The following CPNE4 variants were observed in gnomAD, a reference collection of about 807,000 sequenced individuals.
CPNE4 encodes copine-4.
Under a neutral mutation model 67.9 loss-of-function variants are expected in CPNE4, and 25 were observed. The ratio of observed to expected loss-of-function variants is 0.37; its 90% CI spans 0.27 to 0.51. CPNE4 has a LOEUF of 0.51. Ranked by LOEUF, CPNE4 falls within the 20% of genes least tolerant of loss-of-function variation. The pLI, the probability that CPNE4 is intolerant of heterozygous loss-of-function variation, is 0.93. For missense variants in CPNE4, 464 were observed against 690.8 expected (o/e 0.67, Z 3.68); for synonymous variants, 242 against 244.9 (o/e 0.99, Z 0.11).
intron 7 of CPNE4, among the ~76,000 whole-genome samples, chr3:131,665,785 T>C (rs2080245237): frequency 6.6e-6 from 1 of 152,078 alleles, no homozygotes; most frequent in South Asian, 2.1e-4. Flanking sequence ...TCAATGACCT[T>C]CATTTATGCA....
chr3:131,822,870 C>T (rs2085009496), intron 2 of CPNE4, among the ~76,000 whole-genome samples: 1 of 152,154 alleles, frequency 6.6e-6, no homozygotes, highest in African/African-American at 2.4e-5. Context: ...TGGAATCTTG[C>T]TCTGTCACCC....
intron 10 of CPNE4, among the ~76,000 whole-genome samples, chr3:131,571,565 C>T (rs1461842550): frequency 6.6e-6 from 1 of 152,014 alleles, no homozygotes; most frequent in African/African-American, 2.4e-5. Context: ...TGCTTTCAGT[C>T]TTCTCATTGT....
At chr3:131,717,896 TTC>T (rs776967339) in intron 3 of CPNE4, among the ~76,000 whole-genome samples, 1 of 82,438 alleles carries the variant, frequency 1.2e-5, no homozygotes, top group Non-Finnish European at 3.3e-5. Context: ...CTTTCTTTCT[TTC>T]TTTCTTTCTT....
At chr3:131,582,682 T>G (rs947489420) in intron 8 of CPNE4, among the ~76,000 whole-genome samples, 1 of 152,138 alleles carries the variant, frequency 6.6e-6, no homozygotes, top group African/African-American at 2.4e-5. Flanking sequence ...AAATGTGATA[T>G]AAGCAGAGGC....
intron 2 of CPNE4, among the ~76,000 whole-genome samples, chr3:131,771,926 CA>C (rs1560279409): frequency 1.3e-5 from 2 of 152,132 alleles, no homozygotes; most frequent in African/African-American, 4.8e-5. Context: ...AGCACACACA[CA>C]TTTCCAGATA....
At chr3:131,584,095 A>G (rs1938019305) in intron 8 of CPNE4, among the ~76,000 whole-genome samples, 1 of 152,112 alleles carries the variant, frequency 6.6e-6, no homozygotes, top group African/African-American at 2.4e-5. Flanking sequence ...GTACCTATAG[A>G]ATCATAACTC....
intron 2 of CPNE4, among the ~76,000 whole-genome samples, chr3:131,821,160 A>G (rs972108469): frequency 1.3e-5 from 2 of 152,176 alleles, no homozygotes; most frequent in Non-Finnish European, 2.9e-5. Flanking sequence ...AGAATTCTCC[A>G]CTGATAATCC....
intron 2 of CPNE4, among the ~76,000 whole-genome samples, chr3:131,866,995 C>T (rs1243690410): frequency 6.6e-6 from 1 of 152,276 alleles, no homozygotes; most frequent in Admixed American, 6.5e-5. Context: ...AGGAATAAGA[C>T]ACCACCTGGC....
chr3:131,876,435 G>T lies in CPNE4; in HGVS notation c.180+28829C>A, dbSNP rs185587619. On this transcript the variant is annotated intron_variant, in intron 2 of 15. Coordinates refer to ENST00000429747, the MANE Select transcript of CPNE4 (RefSeq NM_130808.3). ...AGGCAGGCAGATCACGAGGTCAGGA[G>T]ATCGAGACCATCCTGGCTAACACGG... Among the ~76,000 whole-genome samples, 956 of 151,758 alleles carry T rather than the reference G, an allele frequency of 6.3e-3. 9 individuals carry two copies. The highest frequency in any genetic ancestry group is 0.022 in the African/African-American group (899 of 41,416).
intron 2 of CPNE4, among the ~76,000 whole-genome samples, chr3:131,858,213 A>G (rs2086526925): frequency 6.6e-6 from 1 of 152,120 alleles, no homozygotes; most frequent in South Asian, 2.1e-4. Flanking sequence ...CATTGCATTG[A>G]ACAGGTAATG....
intron 7 of CPNE4, among the ~76,000 whole-genome samples, chr3:131,632,873 A>G (rs1330352940): frequency 6.6e-6 from 1 of 152,088 alleles, no homozygotes; most frequent in Non-Finnish European, 1.5e-5. Flanking sequence ...AGCATCACTG[A>G]TGTCTACCCA....
chr3:131,707,349 TC>T (rs1427792513), intron 3 of CPNE4, among the ~76,000 whole-genome samples: 13 of 152,180 alleles, frequency 8.5e-5, no homozygotes, highest in African/African-American at 2.7e-4. Flanking sequence ...CTTCATGTGG[TC>T]CTTTTCTCTT....
intron 10 of CPNE4, among the ~76,000 whole-genome samples, chr3:131,568,333 A>T (rs1431970530): frequency 6.6e-6 from 1 of 152,070 alleles, no homozygotes; most frequent in Non-Finnish European, 1.5e-5. Flanking sequence ...GAAAGAGAGC[A>T]GAGTGAAAGG....
intron 1 of CPNE4, among the ~76,000 whole-genome samples, chr3:132,017,227 G>T (rs11705893): frequency 0.24 from 36,512 of 151,772 alleles, 4,587 homozygotes; most frequent in East Asian, 0.39. Context: ...TGGATATAAA[G>T]GAAGAAAAGA....
At chr3:131,809,442 T>A (rs1275029598) in intron 2 of CPNE4, among the ~76,000 whole-genome samples, 1 of 152,088 alleles carries the variant, frequency 6.6e-6, no homozygotes, top group Non-Finnish European at 1.5e-5. Context: ...GATAATAAAT[T>A]TGTGTTGCTT....
chr3:131,704,085 G>A (rs1439013891), intron 3 of CPNE4, among the ~76,000 whole-genome samples: 3 of 152,136 alleles, frequency 2.0e-5, no homozygotes, highest in Non-Finnish European at 4.4e-5. Flanking sequence ...TGGTACAGGA[G>A]TCTCTCTAGT....
intron 1 of CPNE4, among the ~76,000 whole-genome samples, chr3:131,928,838 G>T (rs2070969874): frequency 6.6e-6 from 1 of 152,168 alleles, no homozygotes; most frequent in Non-Finnish European, 1.5e-5. Context: ...ACCTTTGTCG[G>T]GACATGAAAA....
At chr3:131,785,577 T>G (rs1029854391) in intron 2 of CPNE4, among the ~76,000 whole-genome samples, 1 of 152,104 alleles carries the variant, frequency 6.6e-6, no homozygotes, top group Non-Finnish European at 1.5e-5. Context: ...AAATACTTCC[T>G]TTAATTTCAG....
rs556963612 is a variant in CPNE4 at position 131,776,452 on chromosome 3, A to G, written c.181-52827T>C. 9.2e-5 allele frequency among the ~76,000 whole-genome samples: 14 copies of G among 152,258 alleles called. 1 individual carries two copies. The East Asian group carries it at 2.7e-3, about 29-fold the overall frequency. On this transcript the variant is annotated intron_variant, in intron 2 of 15. Transcript: ENST00000429747. ...CTTTGAGAAATCAGAGCATTCAGAG[A>G]GAGGAGGCTGATGGCATCTTTGTTG...
Sources: gnomAD v4.1 joint callset for allele counts (sites outside exome capture counted in the v4.1 genomes callset) on GRCh38, gnomAD v4.1.1 for gene constraint, MANE v1.5 for transcripts, NCBI Gene and HGNC (gene_info 2026-07-23, HGNC 2026-07-21) for gene names.